Variants in KCNIP4 observed in about 807,000 individuals in gnomAD.
KCNIP4 encodes Kv channel-interacting protein 4.
Under a neutral mutation model 34.0 loss-of-function variants are expected in KCNIP4, and 12 were observed. The observed-to-expected ratio is 0.35, with a 90% CI of 0.23 to 0.57. The LOEUF is 0.57. Ranked by LOEUF, KCNIP4 falls within the 20% of genes least tolerant of loss-of-function variation. The probability of loss-of-function intolerance (pLI) is 0.83; values close to 1 mark genes in which losing one functional copy is unlikely to be tolerated. For missense variants in KCNIP4, 238 were observed against 311.7 expected (o/e 0.76, Z 1.78); for synonymous variants, 124 against 102.2 (o/e 1.21, Z -1.29).
chr4:21,738,388 T>C (rs1716157807), intron 1 of KCNIP4, among the ~76,000 whole-genome samples: 1 of 152,100 alleles, frequency 6.6e-6, no homozygotes, highest in African/African-American at 2.4e-5. Context: ...AGTTCTATAT[T>C]TAGTTACATG....
chr4:21,536,109 G>A (rs1204307091), intron 1 of KCNIP4, among the ~76,000 whole-genome samples: 1 of 152,096 alleles, frequency 6.6e-6, no homozygotes, highest in Non-Finnish European at 1.5e-5. Flanking sequence ...GAGACAGGAA[G>A]GTTCAGCTGG....
At position 21,687,138 on chromosome 4, in the gene KCNIP4, G is replaced by A. The variant is rs1750863645; in HGVS notation, c.61+261433C>T. 5.5e-5 allele frequency among the ~76,000 whole-genome samples: 7 copies of A among 126,280 alleles called. No homozygotes were observed. The South Asian group carries it at 1.7e-3, about 31-fold the overall frequency. The allele number at this position is 126,280 out of a possible 152,430, so 82.8% of individuals were successfully genotyped here. ...GAACAATGAGATCACATGGACACAG[G>A]AAGGGGAATATCACACTCTGGGGAC... On this transcript the variant is annotated intron_variant, in intron 1 of 8. Coordinates refer to ENST00000382152, the MANE Select transcript of KCNIP4 (RefSeq NM_025221.6).
At chr4:21,371,479 C>T (rs780670088) in intron 1 of KCNIP4, among the ~76,000 whole-genome samples, 14 of 147,006 alleles carry the variant, frequency 9.5e-5, no homozygotes, top group Non-Finnish European at 1.8e-4. Flanking sequence ...CACACTCTAT[C>T]ACATACTATC....
chr4:21,763,163 A>C, intron 1 of KCNIP4: 1 of 1,200,206 alleles, frequency 8.3e-7, no homozygotes, highest in Non-Finnish European at 1.1e-6. Context: ...CACAAACAAA[A>C]TGTGAAGAAC....
chr4:20,827,286 T>C (rs994726236), intron 3 of KCNIP4, among the ~76,000 whole-genome samples: 17 of 152,190 alleles, frequency 1.1e-4, no homozygotes, highest in African/African-American at 3.9e-4. Context: ...CAGGAATTTA[T>C]TTTCTCACAG....
At chr4:20,979,892 T>G (rs1735901742) in intron 1 of KCNIP4, among the ~76,000 whole-genome samples, 1 of 152,180 alleles carries the variant, frequency 6.6e-6, no homozygotes, top group Non-Finnish European at 1.5e-5. Context: ...TTAATGTTCT[T>G]AGACCCATGT....
intron 1 of KCNIP4, among the ~76,000 whole-genome samples, chr4:21,510,988 G>A (rs1174801826): frequency 6.6e-5 from 10 of 152,090 alleles, no homozygotes; most frequent in Non-Finnish European, 1.5e-4. Context: ...AGGTTGTAGC[G>A]AGCTGAGATT....
intron 3 of KCNIP4, among the ~76,000 whole-genome samples, chr4:20,819,262 TA>T (rs1399816794): frequency 6.6e-6 from 1 of 152,180 alleles, no homozygotes; most frequent in Non-Finnish European, 1.5e-5. Context: ...TGTTAATAAC[TA>T]ACAGAACTAG....
At chr4:20,938,744 C>T (rs927708124) in intron 1 of KCNIP4, among the ~76,000 whole-genome samples, 1 of 152,180 alleles carries the variant, frequency 6.6e-6, no homozygotes, top group African/African-American at 2.4e-5. Flanking sequence ...ACACCTCTTA[C>T]ATATTCTCCA....
At chr4:20,987,215 C>A (rs1374043277) in intron 1 of KCNIP4, among the ~76,000 whole-genome samples, 1 of 152,142 alleles carries the variant, frequency 6.6e-6, no homozygotes, top group East Asian at 1.9e-4. Flanking sequence ...CATAGTGAGA[C>A]TCTACCTCTA....
At chr4:21,656,121 A>T (rs1026105541) in intron 1 of KCNIP4, among the ~76,000 whole-genome samples, 2 of 152,194 alleles carry the variant, frequency 1.3e-5, no homozygotes, top group African/African-American at 4.8e-5. Flanking sequence ...ATTTCTTCTG[A>T]GAGTAGTAAG....
intron 1 of KCNIP4, among the ~76,000 whole-genome samples, chr4:21,025,496 G>GAGAGAA (rs1183218028): frequency 1.4e-5 from 2 of 139,922 alleles, no homozygotes; most frequent in African/African-American, 5.3e-5. Flanking sequence ...GAGAGAGAGA[G>GAGAGAA]AGAGAGAGAG....
rs938557044 is a variant in KCNIP4, at chr4:20,728,958, C to A, written c.*1124G>T. On this transcript the variant is annotated 3_prime_UTR_variant, in exon 9 of 9. Transcript: ENST00000382152. ...CTGAATTATGATGAGCTAAATCATA[C>A]TGTAATCTGGATTAGTTGTTGAGCA... 4 of 152,180 alleles carry A rather than the reference C, an allele frequency of 2.6e-5. No individual in the cohort carries two copies. Among genetic ancestry groups the A allele is most frequent in the African/African-American group, 9.7e-5 (4 of 41,436 alleles). 9.4% of individuals were successfully genotyped at this position (152,180 alleles called of 1,614,324 possible).
intron 1 of KCNIP4, among the ~76,000 whole-genome samples, chr4:21,618,003 C>T (rs1744719318): frequency 6.6e-6 from 1 of 152,118 alleles, no homozygotes; most frequent in Non-Finnish European, 1.5e-5. Flanking sequence ...ACAGAAAGGA[C>T]TTTAGAAGGG....
intron 3 of KCNIP4, among the ~76,000 whole-genome samples, chr4:20,819,173 C>G (rs1353782589): frequency 1.3e-5 from 2 of 151,990 alleles, no homozygotes; most frequent in African/African-American, 2.4e-5. Flanking sequence ...TGTTATCTCA[C>G]TTAATCCTCA....
intron 1 of KCNIP4, among the ~76,000 whole-genome samples, chr4:21,947,778 C>T (rs985164422): frequency 4.6e-5 from 7 of 152,158 alleles, no homozygotes; most frequent in Admixed American, 6.5e-5. Context: ...ATTCTCTTTC[C>T]GGCTCCTGTA....
chr4:21,244,536 T>C (rs1760067373), intron 1 of KCNIP4, among the ~76,000 whole-genome samples: 1 of 152,212 alleles, frequency 6.6e-6, no homozygotes, highest in African/African-American at 2.4e-5. Context: ...GTGGATCCAT[T>C]CTATTTATAA....
At chr4:21,231,597 T>C (rs980400629) in intron 1 of KCNIP4, among the ~76,000 whole-genome samples, 1 of 152,130 alleles carries the variant, frequency 6.6e-6, no homozygotes, top group Admixed American at 6.6e-5. Flanking sequence ...AAAAAAGAAA[T>C]TGAAATTACT....
intron 1 of KCNIP4, among the ~76,000 whole-genome samples, chr4:20,895,105 T>A (rs1229605162): frequency 6.6e-6 from 1 of 152,202 alleles, no homozygotes; most frequent in Non-Finnish European, 1.5e-5. Flanking sequence ...ACATTCTGAC[T>A]TCTGTACTGC....
Sources: gnomAD v4.1 joint callset for allele counts (sites outside exome capture counted in the v4.1 genomes callset) on GRCh38, gnomAD v4.1.1 for gene constraint, MANE v1.5 for transcripts, NCBI Gene and HGNC (gene_info 2026-07-23, HGNC 2026-07-21) for gene names.